COL24A1: variants seen among roughly 807,000 people sequenced by gnomAD.
COL24A1 encodes the protein collagen type XXIV alpha 1 chain.
A neutral mutation model predicts 253.9 loss-of-function variants in COL24A1; 224 were observed. That is an observed-to-expected ratio of 0.88 (90% CI 0.79 to 0.99). The LOEUF (loss-of-function observed/expected upper bound fraction) is 0.99, where lower values mean the gene tolerates loss of function less well. Ranked by LOEUF, COL24A1 falls within the 50% of genes least tolerant of loss-of-function variation. The pLI is 0.00. For synonymous variants in COL24A1, 685 were observed against 673.7 expected (o/e 1.02, Z -0.26); for missense variants, 2,131 against 2,068.5 (o/e 1.03, Z -0.59).
At position 85,943,578 on chromosome 1, in the gene COL24A1, A is replaced by G. The variant is rs373797106; in HGVS notation, c.2562+17671T>C. 1.1e-4 allele frequency among the ~76,000 whole-genome samples: 17 copies of G among 152,362 alleles called. No individual in the cohort carries two copies. In the East Asian group the frequency reaches 2.9e-3, roughly 26 times the overall value. On this transcript the variant is annotated intron_variant, in intron 24 of 59. Coordinates refer to ENST00000370571, the MANE Select transcript of COL24A1 (RefSeq NM_152890.7). ...ATGAGGCTACTGAATAGTGAAAGAG[A>G]AAAGTTTAAAAGTTAATTACTACTG...
chr1:85,775,641 G>A (rs775603305), intron 53 of COL24A1, 33 bp downstream of exon 53: 1 of 1,584,430 alleles, frequency 6.3e-7, no homozygotes, highest in Non-Finnish European at 8.6e-7. Context: ...CTAGTGTCAG[G>A]GTTACTATAA....
chr1:85,989,683 T>C (rs1484876340), intron 19 of COL24A1, among the ~76,000 whole-genome samples: 1 of 152,104 alleles, frequency 6.6e-6, no homozygotes, highest in Admixed American at 6.6e-5. Flanking sequence ...TCTCTCTTCT[T>C]TACTCTCTAC....
intron 19 of COL24A1, 82 bp from the exon 20 acceptor site, chr1:85,987,736 C>T: frequency 8.5e-7 from 1 of 1,171,074 alleles, no homozygotes; most frequent in East Asian, 2.4e-5. Flanking sequence ...CTTTGCTATT[C>T]CTCCATATCC....
chr1:86,121,041 A>T (rs1032151763), intron 3 of COL24A1, among the ~76,000 whole-genome samples: 13 of 152,200 alleles, frequency 8.5e-5, no homozygotes, highest in African/African-American at 3.1e-4. Flanking sequence ...TATCACAAGG[A>T]CAGAAAACCA....
intron 20 of COL24A1, among the ~76,000 whole-genome samples, chr1:85,974,975 T>C (rs895655834): frequency 1.3e-5 from 2 of 152,138 alleles, no homozygotes; most frequent in Admixed American, 6.6e-5. Context: ...CATTAATTAG[T>C]AGACATTTCT....
At chr1:85,989,546 A>C (rs1360245526) in intron 19 of COL24A1, among the ~76,000 whole-genome samples, 1 of 151,912 alleles carries the variant, frequency 6.6e-6, no homozygotes, top group Non-Finnish European at 1.5e-5. Flanking sequence ...ATTCATTTTC[A>C]CTCCGTAGCC....
intron 8 of COL24A1, among the ~76,000 whole-genome samples, chr1:86,062,503 C>A (rs1456357322): frequency 1.3e-5 from 2 of 151,784 alleles, no homozygotes; most frequent in African/African-American, 2.4e-5. Flanking sequence ...AGTATATTAC[C>A]CTCAGAGATA....
chr1:85,831,002 G>A (rs904353010), intron 43 of COL24A1, among the ~76,000 whole-genome samples: 4 of 152,092 alleles, frequency 2.6e-5, no homozygotes, highest in African/African-American at 9.6e-5. Context: ...TTTGCATTCT[G>A]AGGCAAATGT....
chr1:85,917,727 G>C (rs1413329672), intron 24 of COL24A1, among the ~76,000 whole-genome samples: 1 of 151,938 alleles, frequency 6.6e-6, no homozygotes, highest in Non-Finnish European at 1.5e-5. Flanking sequence ...GTCTTGCTCT[G>C]TCGCCCAGGC....
intron 24 of COL24A1, among the ~76,000 whole-genome samples, chr1:85,946,391 T>A (rs1689329393): frequency 6.6e-6 from 1 of 152,114 alleles, no homozygotes; most frequent in Non-Finnish European, 1.5e-5. Context: ...TGGGTAAGAT[T>A]CATTCATATG....
intron 14 of COL24A1, among the ~76,000 whole-genome samples, chr1:86,026,631 T>G (rs1171572031): frequency 6.6e-6 from 1 of 152,322 alleles, no homozygotes; most frequent in East Asian, 1.9e-4. Flanking sequence ...CTTTCCTTTA[T>G]AAATTACCCA....
At chr1:85,807,919 G>A (rs1218588816) in intron 47 of COL24A1, among the ~76,000 whole-genome samples, 1 of 152,178 alleles carries the variant, frequency 6.6e-6, no homozygotes, top group African/African-American at 2.4e-5. Context: ...TGTGGTCAGA[G>A]TGGAAGCTTA....
intron 22 of COL24A1, among the ~76,000 whole-genome samples, chr1:85,967,002 G>A (rs963373615): frequency 6.6e-6 from 1 of 152,200 alleles, no homozygotes; most frequent in Non-Finnish European, 1.5e-5. Flanking sequence ...ATAGAGAAAA[G>A]AATATGTAGG....
intron 11 of COL24A1, among the ~76,000 whole-genome samples, chr1:86,048,494 A>AT (rs565845403): frequency 0.085 from 12,340 of 144,424 alleles, 868 homozygotes; most frequent in East Asian, 0.34. Flanking sequence ...ACAGGTCTTG[A>AT]TTTTTTTTTT....
At chr1:85,989,733 A>G (rs74097638) in intron 19 of COL24A1, among the ~76,000 whole-genome samples, 1 of 152,088 alleles carries the variant, frequency 6.6e-6, no homozygotes, top group Admixed American at 6.5e-5. Flanking sequence ...TCATACTCTG[A>G]TAATATATAC....
At chr1:85,826,142 T>C (rs943873327) in intron 43 of COL24A1, among the ~76,000 whole-genome samples, 1 of 141,400 alleles carries the variant, frequency 7.1e-6, no homozygotes, top group Non-Finnish European at 1.6e-5. Flanking sequence ...TTTCTATATA[T>C]GGCTAGCCAG....
intron 24 of COL24A1, among the ~76,000 whole-genome samples, chr1:85,935,677 G>T (rs1174269342): frequency 6.8e-6 from 1 of 147,170 alleles, no homozygotes; most frequent in Non-Finnish European, 1.5e-5. Context: ...GTAGGCATAA[G>T]GGATACAGTA....
At chr1:86,091,513 T>A (rs1027995366) in intron 6 of COL24A1, among the ~76,000 whole-genome samples, 1 of 152,064 alleles carries the variant, frequency 6.6e-6, no homozygotes, top group African/African-American at 2.4e-5. Context: ...AAAAAACACA[T>A]CCCATAATTA....
At chr1:85,910,083 C>T in intron 25 of COL24A1, 80 bp from the exon 26 acceptor site, 1 of 1,120,130 alleles carries the variant, frequency 8.9e-7, no homozygotes. Flanking sequence ...GAAAGAAAAA[C>T]TGTCATCCAG....
Sources: gnomAD v4.1 joint callset for allele counts (sites outside exome capture counted in the v4.1 genomes callset) on GRCh38, gnomAD v4.1.1 for gene constraint, MANE v1.5 for transcripts, NCBI Gene and HGNC (gene_info 2026-07-23, HGNC 2026-07-21) for gene names.